Variants in CTNND2 observed in about 807,000 individuals in gnomAD.
CTNND2 encodes the protein catenin delta-2.
A neutral mutation model predicts 144.4 loss-of-function variants in CTNND2; 22 were observed. The observed-to-expected ratio is 0.15, with a 90% CI of 0.11 to 0.22. CTNND2 has a LOEUF of 0.22. Among genes scored for constraint, CTNND2 ranks in the 10% least tolerant of loss-of-function variants. The pLI, the probability that CTNND2 is intolerant of heterozygous loss-of-function variation, is 1.00. For synonymous variants in CTNND2, 751 were observed against 695.6 expected, an observed-to-expected ratio of 1.08 and a Z score of -1.25; for missense variants, 1,353 against 1,618.8, an observed-to-expected ratio of 0.84 and a Z score of 2.82.
At chr5:11,419,857 TG>T (rs1405146973) in intron 3 of CTNND2, among the ~76,000 whole-genome samples, 4 of 152,246 alleles carry the variant, frequency 2.6e-5, no homozygotes, top group Admixed American at 6.5e-5. Context: ...TTCAATTTTT[TG>T]ATGCCCAAAG....
intron 2 of CTNND2, among the ~76,000 whole-genome samples, chr5:11,728,179 C>T (rs1787126341): frequency 6.6e-6 from 1 of 152,046 alleles, no homozygotes; most frequent in African/African-American, 2.4e-5. Flanking sequence ...ATAGTGAAAG[C>T]CCAGAAATGT....
chr5:11,327,197 G>A (rs1267268780), intron 9 of CTNND2, among the ~76,000 whole-genome samples: 2 of 152,152 alleles, frequency 1.3e-5, no homozygotes, highest in Non-Finnish European at 2.9e-5. Flanking sequence ...GGGCCAGTGG[G>A]AAAGGACAAA....
At chr5:11,592,730 G>A (rs1046347444) in intron 2 of CTNND2, among the ~76,000 whole-genome samples, 4 of 151,272 alleles carry the variant, frequency 2.6e-5, no homozygotes, top group Admixed American at 2.0e-4. Flanking sequence ...ATGCTTTTCT[G>A]GGGGGGTAAG....
chr5:11,900,653 G>C (rs758288466), intron 1 of CTNND2, among the ~76,000 whole-genome samples: 2 of 152,206 alleles, frequency 1.3e-5, no homozygotes, highest in Non-Finnish European at 2.9e-5. Context: ...TCACACACCA[G>C]AAGGCTATCA....
intron 9 of CTNND2, among the ~76,000 whole-genome samples, chr5:11,324,543 T>C (rs879297102): frequency 5.3e-5 from 8 of 152,222 alleles, no homozygotes; most frequent in Non-Finnish European, 1.0e-4. Context: ...ATTCACAATC[T>C]GGGAAGTATT....
At chr5:11,641,091 G>C (rs143287455) in intron 2 of CTNND2, among the ~76,000 whole-genome samples, 1 of 152,158 alleles carries the variant, frequency 6.6e-6, no homozygotes, top group East Asian at 1.9e-4. Flanking sequence ...ATAGCCATGC[G>C]TGTATTCAAG....
chr5:11,251,039 A>G (rs1743592769), intron 9 of CTNND2, among the ~76,000 whole-genome samples: 1 of 152,190 alleles, frequency 6.6e-6, no homozygotes, highest in South Asian at 2.1e-4. Context: ...AGGAAAAAAA[A>G]GAACTTGGGT....
At chr5:11,047,980 C>T (rs193136741) in intron 16 of CTNND2, among the ~76,000 whole-genome samples, 29 of 152,298 alleles carry the variant, frequency 1.9e-4, no homozygotes, top group Admixed American at 1.7e-3. Context: ...AGGGGTTCCA[C>T]CATTTAGGGA....
intron 14 of CTNND2, among the ~76,000 whole-genome samples, chr5:11,102,457 C>A (rs1157870373): frequency 6.6e-6 from 1 of 152,178 alleles, no homozygotes; most frequent in African/African-American, 2.4e-5. Context: ...CTGTTGGAGA[C>A]AGGCTGGTAG....
chr5:11,667,629 A>T (rs1405602415), intron 2 of CTNND2, among the ~76,000 whole-genome samples: 2 of 152,132 alleles, frequency 1.3e-5, no homozygotes, highest in Non-Finnish European at 2.9e-5. Flanking sequence ...TACTTCTTGT[A>T]AACTTGTTTA....
At chr5:11,439,515 G>A (rs768569460) in intron 3 of CTNND2, among the ~76,000 whole-genome samples, 2 of 152,076 alleles carry the variant, frequency 1.3e-5, no homozygotes, top group African/African-American at 2.4e-5. Flanking sequence ...AGTTATAGTC[G>A]GAGTTATAGT....
At chr5:11,475,699 C>A (rs1393742825) in intron 3 of CTNND2, among the ~76,000 whole-genome samples, 1 of 152,114 alleles carries the variant, frequency 6.6e-6, no homozygotes, top group South Asian at 2.1e-4. Flanking sequence ...ACAATGAAAC[C>A]TTTATATGCC....
intron 2 of CTNND2, among the ~76,000 whole-genome samples, chr5:11,588,078 T>C (rs1778990896): frequency 6.6e-6 from 1 of 152,180 alleles, no homozygotes; most frequent in African/African-American, 2.4e-5. Flanking sequence ...TATTTACACC[T>C]GCACCATTTA....
At chr5:11,385,343 G>A (rs1158221663) in intron 6 of CTNND2, 114 bp from the exon 7 acceptor site, 1 of 672,044 alleles carries the variant, frequency 1.5e-6, no homozygotes, top group Non-Finnish European at 1.8e-6. Flanking sequence ...CGGGCGCCCG[G>A]CGGCTCTGCG....
intron 12 of CTNND2, among the ~76,000 whole-genome samples, chr5:11,126,088 G>A (rs1167954310): frequency 1.3e-5 from 2 of 152,160 alleles, no homozygotes; most frequent in Non-Finnish European, 2.9e-5. Flanking sequence ...GATCACCTGA[G>A]GTCGGGAGTT....
chr5:11,112,128 C>G (rs1010162807), intron 13 of CTNND2, among the ~76,000 whole-genome samples: 1 of 152,172 alleles, frequency 6.6e-6, no homozygotes, highest in Non-Finnish European at 1.5e-5. Context: ...GGATTACAGT[C>G]GTGAGCCACC....
At chr5:11,730,148 C>G (rs1787293984) in intron 2 of CTNND2, among the ~76,000 whole-genome samples, 1 of 152,088 alleles carries the variant, frequency 6.6e-6, no homozygotes, top group African/African-American at 2.4e-5. Context: ...CTTGCTATTA[C>G]TAGTAGTATT....
chr5:11,608,738 C>G (rs1370017203), intron 2 of CTNND2, among the ~76,000 whole-genome samples: 3 of 152,204 alleles, frequency 2.0e-5, no homozygotes, highest in Non-Finnish European at 4.4e-5. Context: ...CCACCACCTC[C>G]AGAGTCTTAT....
At position 11,765,312 on chromosome 5, in the gene CTNND2, CA is replaced by C. The variant is rs770911217; in HGVS notation, c.38-33041del. Among the ~76,000 whole-genome samples, 7 of 152,278 alleles carry C rather than the reference CA, an allele frequency of 4.6e-5. No homozygotes were observed. The East Asian group carries it at 7.7e-4, about 17-fold the overall frequency. ...TGCCCAGGGACGAGCAGAAGCCGCT[CA>C]GGGGGAAGGTGGAGAAGGGGCAGTC... On this transcript the variant is annotated intron_variant, in intron 1 of 21. Transcript: ENST00000304623.
Sources: gnomAD v4.1 joint callset for allele counts (sites outside exome capture counted in the v4.1 genomes callset) on GRCh38, gnomAD v4.1.1 for gene constraint, MANE v1.5 for transcripts, NCBI Gene and HGNC (gene_info 2026-07-23, HGNC 2026-07-21) for gene names.